RAP1GDS1: variants seen among roughly 807,000 people sequenced by gnomAD.
RAP1GDS1 encodes Rap1 GTPase-GDP dissociation stimulator 1.
RAP1GDS1 carries 35 observed loss-of-function variants against 71.1 expected under a neutral mutation model. The ratio of observed to expected loss-of-function variants is 0.49; its 90% CI spans 0.38 to 0.65. The LOEUF (loss-of-function observed/expected upper bound fraction) is 0.65. RAP1GDS1 is among the 30% of genes least tolerant of loss of function. The pLI is 0.00. For synonymous variants in RAP1GDS1, 229 were observed against 243.1 expected (o/e 0.94, Z 0.54); for missense variants, 663 against 706.1 (o/e 0.94, Z 0.69).
At chr4:98,428,645 AAC>A (rs1749956975) in intron 12 of RAP1GDS1, among the ~76,000 whole-genome samples, 1 of 152,210 alleles carries the variant, frequency 6.6e-6, no homozygotes, top group Admixed American at 6.5e-5. Context: ...ACAATGCCAT[AAC>A]ACCTTACCCA....
At chr4:98,275,268 C>T (rs1235559095) in intron 1 of RAP1GDS1, among the ~76,000 whole-genome samples, 1 of 152,066 alleles carries the variant, frequency 6.6e-6, no homozygotes, top group Non-Finnish European at 1.5e-5. Flanking sequence ...CTTATTTTGA[C>T]AGGAAGATCA....
At chr4:98,431,487 A>G (rs928813627) in intron 12 of RAP1GDS1, among the ~76,000 whole-genome samples, 1 of 152,244 alleles carries the variant, frequency 6.6e-6, no homozygotes, top group Admixed American at 6.5e-5. Context: ...TATATATACC[A>G]AAATTTAGCT....
chr4:98,354,898 A>G (rs6835411), intron 4 of RAP1GDS1, among the ~76,000 whole-genome samples: 12 of 152,050 alleles, frequency 7.9e-5, no homozygotes, highest in Non-Finnish European at 2.9e-5. Context: ...TCATTACTTA[A>G]TATAAATCAT....
Position 98,268,995 on chromosome 4 carries a change from A to G in RAP1GDS1, c.4+7426A>G, listed in dbSNP as rs529657167. On this transcript the variant is annotated intron_variant, in intron 1 of 14. Transcript: ENST00000408927. ...GGAACCACAAAAGATCTGAATAGCC[A>G]GAATAATCTTGAGCAAGAAGAACAA... is the stretch of plus-strand genomic sequence containing the variant. Among the ~76,000 whole-genome samples the G allele has an allele frequency of 2.6e-5, 4 of 152,182 alleles. No individual in the cohort carries two copies. The South Asian group carries it at 8.3e-4, about 32-fold the overall frequency.
chr4:98,337,977 T>C (rs1734934116), intron 2 of RAP1GDS1, among the ~76,000 whole-genome samples: 1 of 152,150 alleles, frequency 6.6e-6, no homozygotes, highest in African/African-American at 2.4e-5. Flanking sequence ...CAGAAGTTTA[T>C]TCTTATACTA....
Position 98,401,379 on chromosome 4 carries a change from A to G in RAP1GDS1, c.638-3098A>G, listed in dbSNP as rs141691585. ...AAAATTACATATAATTAGAAAGATG[A>G]TGGAGAGTATGGTGAACACAGGAAA... is the stretch of plus-strand genomic sequence containing the variant. On this transcript the variant is annotated intron_variant, in intron 6 of 14. Transcript: ENST00000408927. 1.6e-4 allele frequency among the ~76,000 whole-genome samples: 24 copies of G among 152,346 alleles called. 1 individual carries two copies. The East Asian group carries it at 3.3e-3, about 21-fold the overall frequency.
intron 2 of RAP1GDS1, among the ~76,000 whole-genome samples, chr4:98,310,182 A>C (rs1730000828): frequency 6.6e-6 from 1 of 152,120 alleles, no homozygotes; most frequent in East Asian, 1.9e-4. Flanking sequence ...GGTCTCATTC[A>C]TTCATTTATT....
At position 98,406,667 on chromosome 4, in the gene RAP1GDS1, A is replaced by G. The variant is rs72896374; in HGVS notation, c.763+2065A>G. 5.0e-3 allele frequency among the ~76,000 whole-genome samples: 757 copies of G among 152,192 alleles called. 8 individuals are homozygous for G. The highest frequency in any genetic ancestry group is 0.018 in the African/African-American group (735 of 41,560). ...GAAAATGATTAAGACAATTGATTTA[A>G]TGGACCTATTTTAGAACACTTCAAC... On this transcript the variant is annotated intron_variant, in intron 7 of 14. Transcript: ENST00000408927.
At chr4:98,409,686 T>C in intron 7 of RAP1GDS1, 1 of 420,830 alleles carries the variant, frequency 2.4e-6, no homozygotes, top group South Asian at 2.1e-5. Flanking sequence ...CTGTTCCACC[T>C]AGAGAAGCGC....
intron 5 of RAP1GDS1, among the ~76,000 whole-genome samples, chr4:98,379,914 T>C (rs1364228352): frequency 6.6e-6 from 1 of 151,878 alleles, no homozygotes; most frequent in African/African-American, 2.4e-5. Context: ...TGTTTCATAA[T>C]GGCATTTTAA....
chr4:98,408,912 G>A (rs1379355668), intron 7 of RAP1GDS1, among the ~76,000 whole-genome samples: 1 of 152,054 alleles, frequency 6.6e-6, no homozygotes, highest in African/African-American at 2.4e-5. Flanking sequence ...TCTATGAGAA[G>A]GCTGAAGAAA....
chr4:98,262,973 A>G (rs1002224928), intron 1 of RAP1GDS1, among the ~76,000 whole-genome samples: 5 of 152,196 alleles, frequency 3.3e-5, no homozygotes, highest in Non-Finnish European at 2.9e-5. Context: ...AGTACTCGAT[A>G]TGCTGAACAA....
rs1752040027 is a variant in RAP1GDS1 at position 98,442,840 on chromosome 4, C to T, written c.*723C>T. 1 of 230,518 alleles carries T rather than the reference C, an allele frequency of 4.3e-6. No individual in the cohort carries two copies. Among genetic ancestry groups the T allele is most frequent in the Non-Finnish European group, 8.6e-6 (1 of 116,426 alleles). 14.3% of individuals were successfully genotyped at this position (230,518 alleles called of 1,614,324 possible). A position where few individuals can be genotyped will look rare whatever the true frequency, so the allele number is the denominator to read the frequency against. ...GGTTGAAGAATCACTATTACAATCC[C>T]TATTACAGAGCATTTCGGGTTTTGC... On this transcript the variant is annotated 3_prime_UTR_variant, in exon 15 of 15. Coordinates refer to ENST00000408927, the MANE Select transcript of RAP1GDS1 (RefSeq NM_001100427.2).
chr4:98,441,267 C>T, intron 14 of RAP1GDS1: 1 of 873,670 alleles, frequency 1.1e-6, no homozygotes, highest in Non-Finnish European at 1.4e-6. Flanking sequence ...TCACTCATCC[C>T]ATATAACAGT....
At chr4:98,371,501 G>T (rs1190045032) in intron 4 of RAP1GDS1, among the ~76,000 whole-genome samples, 4 of 151,216 alleles carry the variant, frequency 2.6e-5, no homozygotes, top group African/African-American at 7.3e-5. Context: ...TTTTTAGATG[G>T]AGTCTTGCTC....
chr4:98,300,195 A>G (rs1217157623), intron 2 of RAP1GDS1, among the ~76,000 whole-genome samples: 1 of 152,200 alleles, frequency 6.6e-6, no homozygotes, highest in African/African-American at 2.4e-5. Context: ...TTCAGCAACC[A>G]GCACCCTGAT....
chr4:98,413,502 G>C (rs972231178), intron 7 of RAP1GDS1, among the ~76,000 whole-genome samples: 2 of 152,068 alleles, frequency 1.3e-5, no homozygotes, highest in Admixed American at 6.6e-5. Context: ...AGTTTACTGA[G>C]AATGATGATT....
intron 14 of RAP1GDS1, among the ~76,000 whole-genome samples, chr4:98,440,955 A>T (rs1237156006): frequency 6.6e-6 from 1 of 152,216 alleles, no homozygotes; most frequent in African/African-American, 2.4e-5. Context: ...GGCCTCCCAA[A>T]GTGCTGGGAT....
intron 4 of RAP1GDS1, among the ~76,000 whole-genome samples, chr4:98,358,752 C>A (rs941473730): frequency 3.9e-5 from 6 of 151,916 alleles, no homozygotes; most frequent in Non-Finnish European, 7.4e-5. Context: ...TACACTAATG[C>A]ATGTAAAAAC....
Sources: gnomAD v4.1 joint callset for allele counts (sites outside exome capture counted in the v4.1 genomes callset) on GRCh38, gnomAD v4.1.1 for gene constraint, MANE v1.5 for transcripts, NCBI Gene and HGNC (gene_info 2026-07-23, HGNC 2026-07-21) for gene names.